Variants in RARG observed in about 807,000 individuals in gnomAD.
RARG encodes RAR-gamma.
RARG carries 17 observed loss-of-function variants against 43.7 expected under a neutral mutation model. The ratio of observed to expected loss-of-function variants is 0.39; its 90% confidence interval spans 0.27 to 0.58. The LOEUF (loss-of-function observed/expected upper bound fraction) is 0.58. RARG is among the 20% of genes least tolerant of loss of function. The probability of loss-of-function intolerance (pLI) is 0.57; values close to 1 mark genes in which losing one functional copy is unlikely to be tolerated. For missense variants in RARG, 346 were observed against 598.7 expected, an observed-to-expected ratio of 0.58 and a Z score of 4.40; for synonymous variants, 238 against 236.4, an observed-to-expected ratio of 1.01 and a Z score of -0.06.
chr12:53,223,154 TG>T (rs1943018795), intron 3 of RARG, among the ~76,000 whole-genome samples: 1 of 152,344 alleles, frequency 6.6e-6, no homozygotes, highest in African/African-American at 2.4e-5. Context: ...TCATGCACCC[TG>T]CCTTTCCCTC....
Position 53,211,871 on chromosome 12 carries a change from G to A in RARG, c.1178-8C>T. ...TAATGGCCCTTTCAGCTCCTACAAT[G>A]GAGAGAGAAAGAGAGAGGCTCAGGA... On this transcript the variant is annotated splice_polypyrimidine_tract_variant and splice_region_variant and intron_variant, in intron 9 of 9. Transcript: ENST00000425354. The surrounding 1 kb of genome is among the most constrained non-coding windows in gnomAD (Gnocchi z 4.6). 1 of 1,432,142 alleles carries A rather than the reference G, an allele frequency of 7.0e-7. No individual in the cohort carries two copies. The allele number at this position is 1,432,142 out of a possible 1,614,324, so 88.7% of individuals were successfully genotyped here. A position where few individuals can be genotyped will look rare whatever the true frequency, so the allele number is the denominator to read the frequency against.
At chr12:53,221,079 C>G (rs1236894449) in intron 3 of RARG, among the ~76,000 whole-genome samples, 2 of 151,996 alleles carry the variant, frequency 1.3e-5, no homozygotes, top group Non-Finnish European at 2.9e-5. Flanking sequence ...CCCCTCGGGG[C>G]GGGTGGCCGA....
chr12:53,227,405 C>T lies in RARG; in HGVS notation c.141G>A (p.Arg47=), dbSNP rs753111436. The T allele has an allele frequency of 1.2e-6, 2 of 1,601,434 alleles. No homozygotes were observed. The highest frequency in any genetic ancestry group is 3.4e-5 in the Admixed American group (2 of 58,124). Residue 47 remains arginine, a synonymous_variant, in exon 3 of 10, where the codon CGG becomes CGA. Transcript: ENST00000425354. This position sits in a 1 kb window ranked among gnomAD's most constrained non-coding sequence, Gnocchi z 4.3. Reference sequence around the variant, plus strand: ...TGGGGAGGTCAGGCTGGCCCAGGCCCCGGAAGCTAGGGCTCAGCATCTCGA... The same window carrying T: ...TGGGGAGGTCAGGCTGGCCCAGGCCTCGGAAGCTAGGGCTCAGCATCTCGA... The part of the protein sequence containing the change: ...PPFEMLSPSF[R]GLGQPDLPKE...
At position 53,227,671 on chromosome 12, in the gene RARG, C is replaced by G. The variant is rs993826644; in HGVS notation, c.-126G>C. On this transcript the variant is annotated 5_prime_UTR_variant, in exon 3 of 10. Transcript: ENST00000425354. The surrounding 1 kb of genome is among the most constrained non-coding windows in gnomAD (Gnocchi z 4.3). ...GTACCCGCCCTGCCTGGCCTGCCCA[C>G]TGGGCCTCCAAAAGTCCTAGGGAGA... The G allele has an allele frequency of 1.3e-5, 17 of 1,322,208 alleles. No individual in the cohort carries two copies. In the South Asian group the frequency reaches 3.4e-4, roughly 26 times the overall value. The allele number at this position is 1,322,208 out of a possible 1,614,324, so 81.9% of individuals were successfully genotyped here.
Position 53,211,803 on chromosome 12 carries a change from C to T in RARG, c.1238G>A (p.Arg413Gln), listed in dbSNP as rs768255271. ...CATTTCAGGGTTCTCCAGCATCTCT[C>T]GGATTAAGGGAGGCATCGGGCCTGG... The part of the protein sequence containing the change: ...EIPGPMPPLI[R>Q]EMLENPEMFE... Residue 413 changes from arginine to glutamine, a missense_variant, in exon 10 of 10, where the codon CGA (arginine) becomes CAA (glutamine). Coordinates refer to ENST00000425354, the MANE Select transcript of RARG (RefSeq NM_000966.6). This position sits in a 1 kb window ranked among gnomAD's most constrained non-coding sequence, Gnocchi z 4.6. 12 of 1,553,506 alleles carry T rather than the reference C, an allele frequency of 7.7e-6. No homozygotes were observed. Among genetic ancestry groups the T allele is most frequent in the Admixed American group, 3.9e-5 (2 of 50,904 alleles).
chr12:53,223,524 C>G (rs1401790688), intron 3 of RARG, among the ~76,000 whole-genome samples: 1 of 92,720 alleles, frequency 1.1e-5, no homozygotes, highest in Admixed American at 1.1e-4. Context: ...GCTCCCCCCG[C>G]CCCCCCCCCG....
Position 53,211,414 on chromosome 12 carries a change from A to G in RARG, c.*262T>C, listed in dbSNP as rs1424380969. 1 of 341,074 alleles carries G rather than the reference A, an allele frequency of 2.9e-6. No homozygotes were observed. The highest frequency in any genetic ancestry group is 2.1e-5 in the African/African-American group (1 of 47,212). 21.1% of individuals were successfully genotyped at this position (341,074 alleles called of 1,614,324 possible). ...ACCCATGGGGCAGTGCTGAGATTTT[A>G]GAGTCCAAACCCAGGCTCATCCCTT... is the stretch of plus-strand genomic sequence containing the variant. On this transcript the variant is annotated 3_prime_UTR_variant, in exon 10 of 10. Transcript: ENST00000425354. This position sits in a 1 kb window ranked among gnomAD's most constrained non-coding sequence, Gnocchi z 4.6.
chr12:53,229,262 G>A (rs1445255310), intron 2 of RARG, among the ~76,000 whole-genome samples: 1 of 152,154 alleles, frequency 6.6e-6, no homozygotes, highest in Non-Finnish European at 1.5e-5. Flanking sequence ...CCAGAGGTAG[G>A]GGATGGGTAT....
Position 53,215,878 on chromosome 12 carries a change from C to T in RARG, c.185-84G>A. 1 of 1,407,990 alleles carries T rather than the reference C, an allele frequency of 7.1e-7. No homozygotes were observed. Among genetic ancestry groups the T allele is most frequent in the Non-Finnish European group, 9.5e-7 (1 of 1,057,600 alleles). 87.2% of individuals were successfully genotyped at this position (1,407,990 alleles called of 1,614,324 possible). ...TTCCTCATCACACACACCCCATGTGCATTTGTTCCTTGGCCCACTGGTGAC... is the reference window on the plus strand; with the variant it reads ...TTCCTCATCACACACACCCCATGTGTATTTGTTCCTTGGCCCACTGGTGAC... On this transcript the variant is annotated intron_variant, in intron 3 of 9. Coordinates refer to ENST00000425354, the MANE Select transcript of RARG (RefSeq NM_000966.6). This position sits in a 1 kb window ranked among gnomAD's most constrained non-coding sequence, Gnocchi z 6.4.
At chr12:53,231,882 C>T (rs1003933418) in intron 1 of RARG, 92 bp downstream of exon 1, 5 of 392,618 alleles carry the variant, frequency 1.3e-5, no homozygotes, top group African/African-American at 1.0e-4. Flanking sequence ...AGGGCATTCG[C>T]CCGTGCAGCT....
At chr12:53,220,535 A>T (rs1176575517) in intron 3 of RARG, 2 of 305,884 alleles carry the variant, frequency 6.5e-6, no homozygotes, top group African/African-American at 2.2e-5. Context: ...GCATGCATTT[A>T]TCTTATCAGG....
intron 3 of RARG, among the ~76,000 whole-genome samples, chr12:53,224,588 C>T (rs982601394): frequency 6.6e-6 from 1 of 152,124 alleles, no homozygotes; most frequent in Non-Finnish European, 1.5e-5. Context: ...GCTACTCTCC[C>T]ACTCTGGAAG....
chr12:53,212,781 T>C (rs73309171), intron 9 of RARG, among the ~76,000 whole-genome samples: 15,997 of 133,170 alleles, frequency 0.12, 974 homozygotes, highest in South Asian at 0.26. Flanking sequence ...CACACACACA[T>C]ACTTGGAATT....
At position 53,214,578 on chromosome 12, in the gene RARG, C is replaced by A; in HGVS notation, c.504G>T (p.Lys168Asn). ...GTGACCCTTCTTCCTTCACCTCTTTCTTCTTCTTGTTCCGGTCATTTCGCA... is the reference window on the plus strand; with the variant it reads ...GTGACCCTTCTTCCTTCACCTCTTTATTCTTCTTGTTCCGGTCATTTCGCA... ...EAVRNDRNKKKKEVKEEGSPD... is the reference protein window; with the variant it reads ...EAVRNDRNKKNKEVKEEGSPD... The change falls in exon 6 of 10, where the codon AAG (lysine) becomes AAT (asparagine). Residue 168 changes from lysine (K) to asparagine (N), a missense_variant. Around this residue, in one of 8 missense-constraint regions of RARG, gnomAD observed 67 missense variants for 79.6 expected, o/e 0.84. Coordinates refer to ENST00000425354, the MANE Select transcript of RARG (RefSeq NM_000966.6). 6.2e-7 allele frequency: 1 copy of A among 1,608,846 alleles called. No homozygotes were observed. Among genetic ancestry groups the A allele is most frequent in the Admixed American group, 1.7e-5 (1 of 59,916 alleles).
chr12:53,228,582 G>C (rs1296550267), intron 2 of RARG, among the ~76,000 whole-genome samples: 1 of 151,880 alleles, frequency 6.6e-6, no homozygotes, highest in Non-Finnish European at 1.5e-5. Context: ...AAGCCCTCTT[G>C]TACCCACTGC....
chr12:53,223,808 C>G (rs540437628), intron 3 of RARG, among the ~76,000 whole-genome samples: 3 of 152,270 alleles, frequency 2.0e-5, no homozygotes, highest in African/African-American at 7.2e-5. Context: ...GCAAGACTTT[C>G]TCTGTGCCAA....
rs546502337 is a variant in RARG, at chr12:53,229,616, G to A, written c.-143+1553C>T. Reference sequence around the variant, plus strand: ...TTTCCTTCTCCTATTCCCCTCCGAAGTTCTCATCCCTAGTTAAGCCCTGAT... The same window carrying A: ...TTTCCTTCTCCTATTCCCCTCCGAAATTCTCATCCCTAGTTAAGCCCTGAT... On this transcript the variant is annotated intron_variant, in intron 2 of 9. Transcript: ENST00000425354. Among the ~76,000 whole-genome samples, 58 of 152,252 alleles carry A rather than the reference G, an allele frequency of 3.8e-4. 3 individuals are homozygous for A. The East Asian group carries it at 5.8e-3, about 15-fold the overall frequency.
chr12:53,227,605 C>T lies in RARG; in HGVS notation c.-60G>A. ...AGTGGGCGGGCGAGGTCTTCAGCCACAGCCCCTGCCCATGCCCACTGCCCC... is the reference window on the plus strand; with the variant it reads ...AGTGGGCGGGCGAGGTCTTCAGCCATAGCCCCTGCCCATGCCCACTGCCCC... On this transcript the variant is annotated 5_prime_UTR_variant, in exon 3 of 10. In the 5' UTR this introduces an upstream ATG that the reference lacks. Transcript: ENST00000425354. The surrounding 1 kb of genome is among the most constrained non-coding windows in gnomAD (Gnocchi z 4.3). 7.1e-7 allele frequency: 1 copy of T among 1,410,988 alleles called. No homozygotes were observed. The highest frequency in any genetic ancestry group is 9.2e-7 in the Non-Finnish European group (1 of 1,081,338). The allele number at this position is 1,410,988 out of a possible 1,614,324, so 87.4% of individuals were successfully genotyped here. A position where few individuals can be genotyped will look rare whatever the true frequency, so the allele number is the denominator to read the frequency against.
chr12:53,215,212 T>G lies in RARG; in HGVS notation c.475+81A>C. On this transcript the variant is annotated intron_variant, in intron 5 of 9. Coordinates refer to ENST00000425354, the MANE Select transcript of RARG (RefSeq NM_000966.6). The surrounding 1 kb of genome is among the most constrained non-coding windows in gnomAD (Gnocchi z 6.4). ...GGCCAAGTCTCAGAGGTCAGGGAAG[T>G]GGGAGTGGCCAGAGGAAAGAGGGCC... 1 of 1,545,158 alleles carries G rather than the reference T, an allele frequency of 6.5e-7. No individual in the cohort carries two copies. Among genetic ancestry groups the G allele is most frequent in the Admixed American group, 1.8e-5 (1 of 55,088 alleles).
Sources: gnomAD v4.1 joint callset for allele counts (sites outside exome capture counted in the v4.1 genomes callset) on GRCh38, gnomAD v4.1.1 for gene constraint, gnomAD v4.1.1 regional missense constraint, Gnocchi (gnomAD v3.1) non-coding constraint, MANE v1.5 for transcripts, NCBI Gene and HGNC (gene_info 2026-07-23, HGNC 2026-07-21) for gene names.